The following ZCCHC8 variants were observed in gnomAD, a reference collection of about 807,000 sequenced individuals.
ZCCHC8 encodes zinc finger CCHC-type containing 8, also known as zinc finger CCHC domain-containing protein 8.
A neutral mutation model predicts 70.6 loss-of-function variants in ZCCHC8; 27 were observed. The observed-to-expected ratio is 0.38, with a 90% confidence interval of 0.28 to 0.53. The LOEUF (loss-of-function observed/expected upper bound fraction) is 0.53, where lower values mean the gene tolerates loss of function less well. ZCCHC8 is among the 20% of genes least tolerant of loss of function. ZCCHC8 has a pLI of 0.81. For synonymous variants in ZCCHC8, 293 were observed against 317.4 expected (o/e 0.92, Z 0.82); for missense variants, 737 against 876.9 (o/e 0.84, Z 2.01).
intron 10 of ZCCHC8, chr12:122,480,660 C>T (rs934757790): frequency 4.4e-5 from 7 of 158,236 alleles, no homozygotes; most frequent in South Asian, 1.9e-4. Context: ...TTAGTAGAGA[C>T]GGGGTTTCAC....
At chr12:122,490,813 AAAG>A (rs145571358) in intron 3 of ZCCHC8, 4,314 of 301,422 alleles carry the variant, frequency 0.014, 151 homozygotes, top group African/African-American at 0.078. Flanking sequence ...CCAGTTGTGC[AAAG>A]AATACACGGA....
intron 7 of ZCCHC8, 60 bp from the exon 8 acceptor site, chr12:122,482,755 T>C (rs1957560796): frequency 1.4e-6 from 2 of 1,421,576 alleles, no homozygotes; most frequent in Non-Finnish European, 1.9e-6. Flanking sequence ...AGCAAATCAA[T>C]AAAATTCTAT....
At chr12:122,496,067 TG>T (rs1957822456) in intron 2 of ZCCHC8, among the ~76,000 whole-genome samples, 10 of 151,774 alleles carry the variant, frequency 6.6e-5, no homozygotes, top group Admixed American at 5.9e-4. Flanking sequence ...CTCAGGAGGC[TG>T]AGATGGGAGG....
At position 122,481,557 on chromosome 12, in the gene ZCCHC8, A is replaced by G; in HGVS notation, c.983T>C (p.Leu328Ser). The G allele has an allele frequency of 1.9e-6, 3 of 1,613,868 alleles. No individual in the cohort carries two copies. Among genetic ancestry groups the G allele is most frequent in the Non-Finnish European group, 2.5e-6 (3 of 1,179,864 alleles). Residue 328 changes from leucine to serine, a missense_variant, in exon 10 of 14, where the codon TTG (leucine) becomes TCG (serine). By Grantham distance (145) the Leu-to-Ser change is moderately radical. Coordinates refer to ENST00000633063, the MANE Select transcript of ZCCHC8 (RefSeq NM_017612.5). ...YPPGWLKEAE[L>S]ENSGLALYDG... ...ATAGAGTGCAAGCCCCGAATTCTCC[A>G]ATTCAGCCTCTTTGAGCCACCCTGG...
intron 5 of ZCCHC8, among the ~76,000 whole-genome samples, chr12:122,487,844 T>C (rs145078972): frequency 1.3e-5 from 2 of 152,064 alleles, no homozygotes; most frequent in Non-Finnish European, 2.9e-5. Context: ...TATACACATA[T>C]GTATCTATAC....
intron 5 of ZCCHC8, among the ~76,000 whole-genome samples, chr12:122,488,027 C>T (rs1957673468): frequency 6.6e-6 from 1 of 151,204 alleles, no homozygotes; most frequent in South Asian, 2.1e-4. Flanking sequence ...TGCCACCACA[C>T]TTGGCTAATT....
In ZCCHC8 at chr12:122,482,615, T is replaced by C; in HGVS notation, c.732+20A>G. On this transcript the variant is annotated intron_variant, in intron 8 of 13. Coordinates refer to ENST00000633063, the MANE Select transcript of ZCCHC8 (RefSeq NM_017612.5). ...GAAAGCTCTTGTTCAAAGACTTTTCTTAACATGAGAAAAATTTACCATTGG... is the reference window on the plus strand; with the variant it reads ...GAAAGCTCTTGTTCAAAGACTTTTCCTAACATGAGAAAAATTTACCATTGG... 1 of 1,593,412 alleles carries C rather than the reference T, an allele frequency of 6.3e-7. No homozygotes were observed. Among genetic ancestry groups the C allele is most frequent in the Non-Finnish European group, 8.6e-7 (1 of 1,168,006 alleles).
chr12:122,483,512 GC>G lies in ZCCHC8; in HGVS notation c.552del (p.Gln185AsnfsTer4). ...TGAGGGTTTTCATTTAGAAGCGGTT[GC>G]CCCAATTTATCAAGGCAAAAATTAG... is the stretch of plus-strand genomic sequence containing the variant. ...YFTNFCLDKL[G>X]QPLLNENPQL... On this transcript the variant is annotated frameshift_variant, in exon 6 of 14. Coordinates refer to ENST00000633063, the MANE Select transcript of ZCCHC8 (RefSeq NM_017612.5). LOFTEE classifies it high-confidence loss of function. This position sits in a 1 kb window ranked among gnomAD's most constrained non-coding sequence, Gnocchi z 4.4. 1 of 1,595,576 alleles carries G rather than the reference GC, an allele frequency of 6.3e-7. No homozygotes were observed. Among genetic ancestry groups the G allele is most frequent in the Non-Finnish European group, 8.5e-7 (1 of 1,169,990 alleles).
intron 2 of ZCCHC8, among the ~76,000 whole-genome samples, 164 bp from the exon 3 acceptor site, chr12:122,492,953 C>G (rs917863954): frequency 3.9e-5 from 6 of 152,052 alleles, no homozygotes; most frequent in African/African-American, 1.2e-4. Context: ...TCACTGCAAC[C>G]TCCGCCTCCC....
rs1002996700 is a variant in ZCCHC8, at chr12:122,473,621, G to A, written c.2000C>T (p.Ala667Val). ...AAATTCAAATGGCGTGATTCCAGTT[G>A]CAAATTTGCTCATGTCAGGTATAGG... is the stretch of plus-strand genomic sequence containing the variant. ...HSPIPDMSKF[A>V]TGITPFEFEN... The change falls in exon 14 of 14, where the codon GCA becomes GTA. Residue 667 changes from alanine (A) to valine (V), a missense_variant. Coordinates refer to ENST00000633063, the MANE Select transcript of ZCCHC8 (RefSeq NM_017612.5). The A allele has an allele frequency of 1.5e-5, 24 of 1,613,798 alleles. No individual in the cohort carries two copies. The Admixed American group carries it at 2.0e-4, about 13-fold the overall frequency.
rs780760147 is a variant in ZCCHC8 at position 122,490,539 on chromosome 12, C to T, written c.346G>A (p.Val116Ile). 1.2e-5 allele frequency: 19 copies of T among 1,609,950 alleles called. No homozygotes were observed. In the Admixed American group the frequency reaches 2.7e-4, roughly 23 times the overall value. The change falls in exon 4 of 14, where the codon GTA (valine) becomes ATA (isoleucine). Residue 116 changes from valine (V) to isoleucine (I), a missense_variant. Coordinates refer to ENST00000633063, the MANE Select transcript of ZCCHC8 (RefSeq NM_017612.5). ...KQYHQEIEEF[V>I]SNLVKRFEEQ... Reference sequence around the variant, plus strand: ...TCAAATCTTTTTACTAAATTTGATACAAATTCCTCTATTTCTTGATGATAT... The same window carrying T: ...TCAAATCTTTTTACTAAATTTGATATAAATTCCTCTATTTCTTGATGATAT...
intron 13 of ZCCHC8, among the ~76,000 whole-genome samples, chr12:122,475,163 T>C (rs1408829356): frequency 6.6e-6 from 1 of 152,110 alleles, no homozygotes; most frequent in Non-Finnish European, 1.5e-5. Flanking sequence ...TTCTTCTGCC[T>C]CTGCCTCCCA....
chr12:122,479,007 A>T (rs906794816), intron 11 of ZCCHC8, among the ~76,000 whole-genome samples: 2 of 152,192 alleles, frequency 1.3e-5, no homozygotes, highest in Non-Finnish European at 2.9e-5. Flanking sequence ...TCTGCTCACT[A>T]GACTCTAACT....
Position 122,483,252 on chromosome 12 carries a change from TAAAAC to T in ZCCHC8, c.671+22_671+26del. ...GATTTTGGTTAAAAAAGTAAATAAG[TAAAAC>T]AAAACAACTCCCCACACAAACCTTT... is the stretch of plus-strand genomic sequence containing the variant. On this transcript the variant is annotated intron_variant, in intron 7 of 13. Transcript: ENST00000633063. This position sits in a 1 kb window ranked among gnomAD's most constrained non-coding sequence, Gnocchi z 4.4. 1.3e-6 allele frequency: 2 copies of T among 1,564,246 alleles called. No homozygotes were observed. Among genetic ancestry groups the T allele is most frequent in the Non-Finnish European group, 1.7e-6 (2 of 1,153,854 alleles).
Position 122,477,941 on chromosome 12 carries a change from G to A in ZCCHC8, c.1245C>T (p.Gly415=), listed in dbSNP as rs1350663945. 1 of 1,613,738 alleles carries A rather than the reference G, an allele frequency of 6.2e-7. No homozygotes were observed. ...TAGAGTGAGATGAAGACCTCTTGTTGCCAGACTTCACACCTGGCTAAAAGA... is the reference window on the plus strand; with the variant it reads ...TAGAGTGAGATGAAGACCTCTTGTTACCAGACTTCACACCTGGCTAAAAGA... The part of the protein sequence containing the change: ...SNFQAPGVKS[G]NKRSSSHSSP... Residue 415 remains glycine (G), a synonymous_variant, in exon 13 of 14, where the codon GGC becomes GGT. Coordinates refer to ENST00000633063, the MANE Select transcript of ZCCHC8 (RefSeq NM_017612.5).
intron 4 of ZCCHC8, among the ~76,000 whole-genome samples, 181 bp from the exon 5 acceptor site, chr12:122,489,644 A>G (rs1040822430): frequency 3.3e-5 from 5 of 152,198 alleles, no homozygotes; most frequent in Non-Finnish European, 5.9e-5. Context: ...CTTCTTTTTT[A>G]ACCAGTATTA....
rs1294327733 is a variant in ZCCHC8 at position 122,472,399 on chromosome 12, G to GT, written c.*1097dup. 1.3e-5 allele frequency: 2 copies of GT among 152,078 alleles called. No individual in the cohort carries two copies. Among genetic ancestry groups the GT allele is most frequent in the African/African-American group, 4.8e-5 (2 of 41,402 alleles). 9.4% of individuals were successfully genotyped at this position (152,078 alleles called of 1,614,324 possible). A position where few individuals can be genotyped will look rare whatever the true frequency, so the allele number is the denominator to read the frequency against. On this transcript the variant is annotated 3_prime_UTR_variant, in exon 14 of 14. Coordinates refer to ENST00000633063, the MANE Select transcript of ZCCHC8 (RefSeq NM_017612.5). Reference sequence around the variant, plus strand: ...ATTTTTGTATTTATGTAGAGATGGGGTTTTGCCATGTTGGCCAGGCTGGTC... The same window carrying GT: ...ATTTTTGTATTTATGTAGAGATGGGGTTTTTGCCATGTTGGCCAGGCTGGTC...
chr12:122,491,526 T>A lies in ZCCHC8; in HGVS notation c.318-959A>T, dbSNP rs868142135. On this transcript the variant is annotated intron_variant, in intron 3 of 13. Coordinates refer to ENST00000633063, the MANE Select transcript of ZCCHC8 (RefSeq NM_017612.5). ...CCTGGGCAAAAAGAGTGAAACTCCATCTCAAAAAAAAAAAAAAAAAAGCCA... is the reference window on the plus strand; with the variant it reads ...CCTGGGCAAAAAGAGTGAAACTCCAACTCAAAAAAAAAAAAAAAAAAGCCA... 8.7e-4 allele frequency among the ~76,000 whole-genome samples: 97 copies of A among 110,990 alleles called. No homozygotes were observed. The Middle Eastern group carries it at 0.033, about 38-fold the overall frequency. 72.8% of individuals were successfully genotyped at this position (110,990 alleles called of 152,430 possible).
chr12:122,495,943 G>C lies in ZCCHC8; in HGVS notation c.242+2884C>G, dbSNP rs142678774. Among the ~76,000 whole-genome samples, 1,093 of 150,848 alleles carry C rather than the reference G, an allele frequency of 7.2e-3. 15 individuals are homozygous for C. The highest frequency in any genetic ancestry group is 0.031 in the South Asian group (147 of 4,762). On this transcript the variant is annotated intron_variant, in intron 2 of 13. Coordinates refer to ENST00000633063, the MANE Select transcript of ZCCHC8 (RefSeq NM_017612.5). Reference sequence around the variant, plus strand: ...AGGACTTTGGGAGGCTGAGGCAGGAGGATCACTTGAGCCTAGGAGTTTGAA... The same window carrying C: ...AGGACTTTGGGAGGCTGAGGCAGGACGATCACTTGAGCCTAGGAGTTTGAA...
Sources: allele counts gnomAD v4.1 joint callset (sites outside exome capture counted in the v4.1 genomes callset), GRCh38; gene constraint gnomAD v4.1.1; non-coding constraint Gnocchi (gnomAD v3.1); transcripts MANE v1.5; gene names NCBI Gene and HGNC (gene_info 2026-07-23, HGNC 2026-07-21).